Variants in DNHD1 observed in about 807,000 individuals in gnomAD.
DNHD1 encodes the protein dynein heavy chain domain 1, also known as dynein heavy chain domain-containing protein 1.
A neutral mutation model predicts 458.1 loss-of-function variants in DNHD1; 383 were observed. The ratio of observed to expected loss-of-function variants is 0.84; its 90% CI spans 0.77 to 0.91. The LOEUF (loss-of-function observed/expected upper bound fraction) is 0.91. Among genes scored for constraint, DNHD1 ranks in the 40% least tolerant of loss-of-function variants. DNHD1 has a pLI of 0.00. For missense variants in DNHD1, 5,336 were observed against 5,866.1 expected (o/e 0.91, Z 2.95); for synonymous variants, 2,203 against 2,376.9 (o/e 0.93, Z 2.13).
In DNHD1 at chr11:6,509,183, A is replaced by G. The variant is rs1308380148; in HGVS notation, c.1146A>G (p.Leu382=). The change falls in exon 6 of 43, where the codon TTA becomes TTG. Residue 382 remains leucine, a synonymous_variant. Coordinates refer to ENST00000254579, the MANE Select transcript of DNHD1 (RefSeq NM_144666.3). ...CTAGTTGGAAGAAGAATGTGAGATTACAGGGGCTGCATCGACTCCAGAAAT... is the reference window on the plus strand; with the variant it reads ...CTAGTTGGAAGAAGAATGTGAGATTGCAGGGGCTGCATCGACTCCAGAAAT... ...SFTCWKKNVR[L]QGLHRLQKFL... 1 of 1,614,260 alleles carries G rather than the reference A, an allele frequency of 6.2e-7. No homozygotes were observed. The highest frequency in any genetic ancestry group is 1.3e-5 in the African/African-American group (1 of 75,070).
At chr11:6,556,086 G>C (rs993312929) in intron 24 of DNHD1, among the ~76,000 whole-genome samples, 2 of 152,134 alleles carry the variant, frequency 1.3e-5, no homozygotes, top group Admixed American at 6.5e-5. Context: ...TGATCCTCCA[G>C]CCTTAGCCTC....
chr11:6,540,069 C>A lies in DNHD1; in HGVS notation c.3614C>A (p.Thr1205Asn), dbSNP rs1241127490. 1 of 1,551,556 alleles carries A rather than the reference C, an allele frequency of 6.4e-7. No homozygotes were observed. Among genetic ancestry groups the A allele is most frequent in the Non-Finnish European group, 8.7e-7 (1 of 1,146,974 alleles). ...QWEVVDKDSG[T>N]FILSDYSNLQ... ...GAGGTAGTGGACAAAGATAGTGGCA[C>A]CTTCATCCTCTCAGGTGAGACCCAG... Residue 1205 changes from threonine to asparagine, a missense_variant, in exon 18 of 43, where the codon ACC (threonine) becomes AAC (asparagine). Thr to Asn is a moderately conservative substitution (Grantham distance 65). Coordinates refer to ENST00000254579, the MANE Select transcript of DNHD1 (RefSeq NM_144666.3).
Position 6,571,506 on chromosome 11 carries a change from T to G in DNHD1, c.13911+83T>G, listed in dbSNP as rs996957760. On this transcript the variant is annotated intron_variant, in intron 42 of 42. Transcript: ENST00000254579. The surrounding 1 kb of genome is among the most constrained non-coding windows in gnomAD (Gnocchi z 5.0). ...CCTCGCAGTTACCCCTTCTTGGTGA[T>G]CTTGCCCCCGGTAACCCTGCTAGCT... 49 of 1,468,776 alleles carry G rather than the reference T, an allele frequency of 3.3e-5. No individual in the cohort carries two copies. In the East Asian group the frequency reaches 1.2e-3, roughly 35 times the overall value. 91.0% of individuals were successfully genotyped at this position (1,468,776 alleles called of 1,614,324 possible). A position where few individuals can be genotyped will look rare whatever the true frequency, so the allele number is the denominator to read the frequency against.
chr11:6,568,982 A>C lies in DNHD1; in HGVS notation c.12863+116A>C. 5 of 1,251,710 alleles carry C rather than the reference A, an allele frequency of 4.0e-6. No individual in the cohort carries two copies. The Middle Eastern group carries it at 7.1e-4, about 178-fold the overall frequency. The allele number at this position is 1,251,710 out of a possible 1,614,324, so 77.5% of individuals were successfully genotyped here. On this transcript the variant is annotated intron_variant, in intron 39 of 42. Transcript: ENST00000254579. Reference sequence around the variant, plus strand: ...TTTGGAAGCTCCAAAGAGCAAGGGCAAGGGGAAGTCAAGGAAGGCTTCTCC... The same window carrying C: ...TTTGGAAGCTCCAAAGAGCAAGGGCCAGGGGAAGTCAAGGAAGGCTTCTCC...
Position 6,550,635 on chromosome 11 carries a change from A to T in DNHD1, c.7387+1702A>T, listed in dbSNP as rs536774791. On this transcript the variant is annotated intron_variant, in intron 24 of 42. Transcript: ENST00000254579. ...TAGCTGTACGCTGTCCAAAAGATGC[A>T]CTTTAAATATAAAAACACAGATAGA... Among the ~76,000 whole-genome samples, 184 of 152,370 alleles carry T rather than the reference A, an allele frequency of 1.2e-3. 2 individuals carry two copies. Among genetic ancestry groups the T allele is most frequent in the Admixed American group, 2.5e-3 (39 of 15,306 alleles).
At chr11:6,536,355 G>T (rs1223174273) in intron 14 of DNHD1, among the ~76,000 whole-genome samples, 9 of 152,062 alleles carry the variant, frequency 5.9e-5, no homozygotes, top group Admixed American at 5.9e-4. Flanking sequence ...TTAAAATATT[G>T]TATCAATATA....
At chr11:6,564,851 C>T (rs1200241334) in intron 32 of DNHD1, 47 bp downstream of exon 32, 1 of 1,396,970 alleles carries the variant, frequency 7.2e-7, no homozygotes, top group Non-Finnish European at 9.6e-7. Context: ...TCTGAACTGC[C>T]CAACACTCAG....
rs1438481782 is a variant in DNHD1, at chr11:6,557,968, G to A, written c.8673G>A (p.Gly2891=). Residue 2891 remains glycine, a synonymous_variant, in exon 25 of 43, where the codon GGG becomes GGA. Coordinates refer to ENST00000254579, the MANE Select transcript of DNHD1 (RefSeq NM_144666.3). ...RPRQHGLLLS[G]ALGTGRHTAI... The stretch of plus-strand genomic sequence containing the variant: ...GGCAGCATGGCCTGCTGCTCTCGGG[G>A]GCTCTGGGTACTGGGCGCCACACTG... 14 of 1,551,692 alleles carry A rather than the reference G, an allele frequency of 9.0e-6. No homozygotes were observed. Among genetic ancestry groups the A allele is most frequent in the Non-Finnish European group, 1.2e-5 (14 of 1,146,994 alleles).
chr11:6,543,477 G>A (rs551402093), intron 18 of DNHD1, among the ~76,000 whole-genome samples: 234 of 151,904 alleles, frequency 1.5e-3, no homozygotes, highest in Non-Finnish European at 2.4e-3. Flanking sequence ...CCCTCTTCCC[G>A]GGCTAGAGGC....
chr11:6,566,259 C>A lies in DNHD1; in HGVS notation c.11072C>A (p.Thr3691Asn). The A allele has an allele frequency of 6.4e-7, 1 of 1,551,664 alleles. No individual in the cohort carries two copies. Among genetic ancestry groups the A allele is most frequent in the South Asian group, 1.2e-5 (1 of 84,062 alleles). The change falls in exon 34 of 43, where the codon ACC becomes AAC. Residue 3691 changes from threonine (T) to asparagine (N), a missense_variant. Transcript: ENST00000254579. ...CTCACAGGCCTGCCTGTGTTACTGA[C>A]CAATGTGGAGCTGGGTCTAGGGTGC... Reference protein sequence around the residue: ...AAACGLPVLLTNVELGLGCEE... With the variant: ...AAACGLPVLLNNVELGLGCEE...
At chr11:6,513,295 G>A (rs997269729) in intron 7 of DNHD1, among the ~76,000 whole-genome samples, 2 of 152,068 alleles carry the variant, frequency 1.3e-5, no homozygotes, top group Admixed American at 6.6e-5. Flanking sequence ...TATTTGTATT[G>A]CTATATATTT....
intron 34 of DNHD1, 65 bp downstream of exon 34, chr11:6,566,458 C>G (rs1853701451): frequency 1.3e-6 from 2 of 1,545,114 alleles, no homozygotes; most frequent in Non-Finnish European, 1.8e-6. Context: ...AGCACCAGCC[C>G]TAAGAGGGCT....
intron 7 of DNHD1, among the ~76,000 whole-genome samples, chr11:6,518,400 T>C (rs530710799): frequency 1.3e-4 from 20 of 152,326 alleles, no homozygotes; most frequent in African/African-American, 4.6e-4. Context: ...TTATCACCCC[T>C]AGTATTGGTG....
At chr11:6,555,439 TCAGA>T (rs1052377026) in intron 24 of DNHD1, among the ~76,000 whole-genome samples, 1 of 152,216 alleles carries the variant, frequency 6.6e-6, no homozygotes, top group Non-Finnish European at 1.5e-5. Context: ...TGGTCACAGG[TCAGA>T]CAACTAGGCA....
rs1320710340 is a variant in DNHD1 at position 6,566,757 on chromosome 11, G to C, written c.11377G>C (p.Ala3793Pro). The change falls in exon 35 of 43, where the codon GCT becomes CCT. Residue 3793 changes from alanine to proline, a missense_variant. Transcript: ENST00000254579. ...CCTAGATACCTGCAAGGCTGTGGAG[G>C]CTGCTGAGGTGCTTGGGGGCTCAGT... ...RALDTCKAVEAAEERLLTMLL... is the reference protein window; with the variant it reads ...RALDTCKAVEPAEERLLTMLL... The C allele has an allele frequency of 1.2e-6, 2 of 1,610,202 alleles. No homozygotes were observed. Among genetic ancestry groups the C allele is most frequent in the South Asian group, 2.2e-5 (2 of 90,248 alleles).
At chr11:6,503,619 G>A (rs1043124441) in intron 4 of DNHD1, 1 of 152,160 alleles carries the variant, frequency 6.6e-6, no homozygotes, top group Non-Finnish European at 1.5e-5. Flanking sequence ...GAGTAGCTGG[G>A]ATTACAGGCA....
intron 4 of DNHD1, chr11:6,508,616 A>G (rs1852272416): frequency 2.3e-6 from 1 of 440,982 alleles, no homozygotes; most frequent in Non-Finnish European, 4.1e-6. Context: ...GGGATGTAAG[A>G]TATCTGCATT....
chr11:6,522,633 G>A (rs944083970), intron 10 of DNHD1, among the ~76,000 whole-genome samples: 2 of 152,044 alleles, frequency 1.3e-5, no homozygotes, highest in Non-Finnish European at 2.9e-5. Flanking sequence ...TTAAAAAATG[G>A]AATAAATTTT....
rs1441220181 is a variant in DNHD1, at chr11:6,559,303, G to T, written c.9519+20G>T. 6.5e-7 allele frequency: 1 copy of T among 1,546,674 alleles called. No homozygotes were observed. The highest frequency in any genetic ancestry group is 2.0e-5 in the Admixed American group (1 of 50,892). The stretch of plus-strand genomic sequence containing the variant: ...GGCAAGGTAAGGAGATGATTTTGAG[G>T]CTTCCATGGTGGTGTCAAAGCAGGA... On this transcript the variant is annotated intron_variant, in intron 28 of 42. Transcript: ENST00000254579.
Sources: gnomAD v4.1 joint callset for allele counts (sites outside exome capture counted in the v4.1 genomes callset) on GRCh38, gnomAD v4.1.1 for gene constraint, Gnocchi (gnomAD v3.1) non-coding constraint, MANE v1.5 for transcripts, NCBI Gene and HGNC (gene_info 2026-07-23, HGNC 2026-07-21) for gene names.